The following EXOC7 variants were observed in gnomAD, a reference collection of about 807,000 sequenced individuals.
EXOC7 encodes the protein exocyst complex component 7, also known as exocyst complex component Exo70.
Under a neutral mutation model 87.6 loss-of-function variants are expected in EXOC7, and 51 were observed. The ratio of observed to expected loss-of-function variants is 0.58; its 90% CI spans 0.46 to 0.73. The LOEUF is 0.73. Among genes scored for constraint, EXOC7 ranks in the 30% least tolerant of loss-of-function variants. The probability of loss-of-function intolerance (pLI) is 0.00; values close to 1 mark genes in which losing one functional copy is unlikely to be tolerated. For missense variants in EXOC7, 744 were observed against 888.4 expected (o/e 0.84, Z 2.07); for synonymous variants, 327 against 357.1 (o/e 0.92, Z 0.95).
In EXOC7 at chr17:76,083,118, A is replaced by C. The variant is rs958406797; in HGVS notation, c.*530T>G. 3 of 167,540 alleles carry C rather than the reference A, an allele frequency of 1.8e-5. No individual in the cohort carries two copies. The highest frequency in any genetic ancestry group is 4.8e-5 in the African/African-American group (2 of 41,734). 10.4% of individuals were successfully genotyped at this position (167,540 alleles called of 1,614,324 possible). On this transcript the variant is annotated 3_prime_UTR_variant, in exon 19 of 19. Coordinates refer to ENST00000589210, the MANE Select transcript of EXOC7 (RefSeq NM_001013839.4). ...GTGAGCCTGCCTCCCCCAGCCACCTAGGGGACTCCTGGGAGGGAAAGGTCC... is the reference window on the plus strand; with the variant it reads ...GTGAGCCTGCCTCCCCCAGCCACCTCGGGGACTCCTGGGAGGGAAAGGTCC...
In EXOC7 at chr17:76,087,659, G is replaced by A; in HGVS notation, c.1424C>T (p.Ser475Phe). Residue 475 changes from serine to phenylalanine, a missense_variant, in exon 12 of 19, where the codon TCC (serine) becomes TTC (phenylalanine). Coordinates refer to ENST00000589210, the MANE Select transcript of EXOC7 (RefSeq NM_001013839.4). ...FQETAGAMLA[S>F]QETSSSATSY... Reference sequence around the variant, plus strand: ...CAACTGGGAGGTACCAGTACCTTGGGAGGCCAGCATGGCGCCTGCCGTCTC... The same window carrying A: ...CAACTGGGAGGTACCAGTACCTTGGAAGGCCAGCATGGCGCCTGCCGTCTC... 1 of 1,551,226 alleles carries A rather than the reference G, an allele frequency of 6.4e-7. No individual in the cohort carries two copies. Among genetic ancestry groups the A allele is most frequent in the Non-Finnish European group, 8.7e-7 (1 of 1,146,986 alleles).
intron 4 of EXOC7, 79 bp from the exon 5 acceptor site, chr17:76,098,097 C>T: frequency 7.8e-7 from 1 of 1,288,228 alleles, no homozygotes; most frequent in Non-Finnish European, 1.1e-6. Context: ...CCTGTGCCAG[C>T]TCTGTCTTCT....
chr17:76,083,942 G>C, intron 18 of EXOC7, 64 bp downstream of exon 18: 1 of 1,493,358 alleles, frequency 6.7e-7, no homozygotes, highest in East Asian at 2.4e-5. Flanking sequence ...TTGAGGAAGA[G>C]GAGCTTGAAG....
chr17:76,090,934 G>A lies in EXOC7; in HGVS notation c.901+209C>T. 3 of 604,528 alleles carry A rather than the reference G, an allele frequency of 5.0e-6. No homozygotes were observed. The South Asian group carries it at 5.8e-5, about 12-fold the overall frequency. The allele number at this position is 604,528 out of a possible 1,614,324, so 37.4% of individuals were successfully genotyped here. A position where few individuals can be genotyped will look rare whatever the true frequency, so the allele number is the denominator to read the frequency against. On this transcript the variant is annotated intron_variant, in intron 7 of 18. Transcript: ENST00000589210. ...GAGGAGGGAAGCCTCAGGGAGGGCA[G>A]AGCTGCCATCAGCCAGAGAGGACCA...
At chr17:76,090,493 G>C in intron 7 of EXOC7, 2 of 1,550,734 alleles carry the variant, frequency 1.3e-6, no homozygotes, top group African/African-American at 2.7e-5. Context: ...TTCATCTCCA[G>C]GAGGGGGACG....
chr17:76,082,097 G>T lies in EXOC7; in HGVS notation c.*1551C>A. 6.5e-7 allele frequency: 1 copy of T among 1,540,242 alleles called. No individual in the cohort carries two copies. The highest frequency in any genetic ancestry group is 2.4e-5 in the East Asian group (1 of 41,370). On this transcript the variant is annotated 3_prime_UTR_variant, in exon 19 of 19. Transcript: ENST00000589210. ...GGAATGAGGCCTAGGTGCACACCTA[G>T]GGCTGGGGTGAGGGCACGGAGGTCC...
intron 15 of EXOC7, 54 bp from the exon 16 acceptor site, chr17:76,084,634 T>C (rs749002615): frequency 6.5e-7 from 1 of 1,546,194 alleles, no homozygotes; most frequent in Non-Finnish European, 8.9e-7. Flanking sequence ...CTCAGTGGCC[T>C]GGCTTGTTTC....
chr17:76,087,914 T>C, intron 11 of EXOC7, 146 bp downstream of exon 11: 2 of 992,156 alleles, frequency 2.0e-6, no homozygotes, highest in African/African-American at 1.6e-5. Flanking sequence ...CATGTCACTG[T>C]CCATCCTGCC....
chr17:76,093,971 C>T (rs963484759), intron 6 of EXOC7: 3 of 153,766 alleles, frequency 2.0e-5, no homozygotes, highest in African/African-American at 7.2e-5. Flanking sequence ...GTGAAATTCT[C>T]CCCATCCAGC....
chr17:76,086,878 A>G, intron 12 of EXOC7: 2 of 1,551,388 alleles, frequency 1.3e-6, no homozygotes, highest in Non-Finnish European at 1.7e-6. Flanking sequence ...GGAATATTGT[A>G]TGTGTCCCCA....
rs73996111 is a variant in EXOC7, at chr17:76,083,532, G to A, written c.*116C>T. On this transcript the variant is annotated 3_prime_UTR_variant, in exon 19 of 19. Transcript: ENST00000589210. ...GGGACACAGCTCCCGGAGGCGTGGAGACAGGTCTCTGTCCCAGAGGACTTC... is the reference window on the plus strand; with the variant it reads ...GGGACACAGCTCCCGGAGGCGTGGAAACAGGTCTCTGTCCCAGAGGACTTC... The A allele has an allele frequency of 0.02, 19,772 of 991,850 alleles. 2,406 individuals are homozygous for A. The African/African-American group carries it at 0.27, about 13-fold the overall frequency. 61.4% of individuals were successfully genotyped at this position (991,850 alleles called of 1,614,324 possible). A position where few individuals can be genotyped will look rare whatever the true frequency, so the allele number is the denominator to read the frequency against.
In EXOC7 at chr17:76,083,578, C is replaced by CA; in HGVS notation, c.*69dup. The CA allele has an allele frequency of 6.6e-7, 1 of 1,506,150 alleles. No individual in the cohort carries two copies. Among genetic ancestry groups the CA allele is most frequent in the Non-Finnish European group, 9.2e-7 (1 of 1,083,202 alleles). The allele number at this position is 1,506,150 out of a possible 1,614,324, so 93.3% of individuals were successfully genotyped here. On this transcript the variant is annotated 3_prime_UTR_variant, in exon 19 of 19. Coordinates refer to ENST00000589210, the MANE Select transcript of EXOC7 (RefSeq NM_001013839.4). Reference sequence around the variant, plus strand: ...ACTTCAAGCTCACCCAGCCCAGAGGCAAGCTAACACTGGTTTATCTGTCCA... The same window carrying CA: ...ACTTCAAGCTCACCCAGCCCAGAGGCAAAGCTAACACTGGTTTATCTGTCCA...
At chr17:76,098,478 G>A (rs1361777003) in intron 4 of EXOC7, among the ~76,000 whole-genome samples, 2 of 151,966 alleles carry the variant, frequency 1.3e-5, no homozygotes, top group Non-Finnish European at 2.9e-5. Context: ...GCTGGGAAGC[G>A]GCCTTGGTGA....
rs574754511 is a variant in EXOC7 at position 76,088,870 on chromosome 17, C to G, written c.1101G>C (p.Arg367=). ...LEGENIVSAA[R]KAIVRHDFST... is the part of the protein sequence containing the mutation. ...AGAAGTCGTGTCGCACAATGGCCTTCCGGGCAGCAGACACGATGTTCTCCC... is the reference window on the plus strand; with the variant it reads ...AGAAGTCGTGTCGCACAATGGCCTTGCGGGCAGCAGACACGATGTTCTCCC... Residue 367 remains arginine, a synonymous_variant, in exon 9 of 19, where the codon CGG becomes CGC. Transcript: ENST00000589210. The G allele has an allele frequency of 6.2e-7, 1 of 1,613,828 alleles. No individual in the cohort carries two copies. Among genetic ancestry groups the G allele is most frequent in the South Asian group, 1.1e-5 (1 of 91,084 alleles).
rs757009654 is a variant in EXOC7 at position 76,089,269 on chromosome 17, C to T, written c.953G>A (p.Ser318Asn). 6.2e-7 allele frequency: 1 copy of T among 1,614,140 alleles called. No individual in the cohort carries two copies. Among genetic ancestry groups the T allele is most frequent in the Non-Finnish European group, 8.5e-7 (1 of 1,180,008 alleles). The change falls in exon 8 of 19, where the codon AGT becomes AAT. Residue 318 changes from serine to asparagine, a missense_variant. Coordinates refer to ENST00000589210, the MANE Select transcript of EXOC7 (RefSeq NM_001013839.4). ...GCTCTGCGCCAGCTTGACGAAGGCA[C>T]TGACGCAGTGGATGTAGGCATCGGT... Reference protein sequence around the residue: ...VETDAYIHCVSAFVKLAQSEY... With the variant: ...VETDAYIHCVNAFVKLAQSEY...
chr17:76,091,551 A>T lies in EXOC7; in HGVS notation c.809-316T>A, dbSNP rs2067480480. The T allele has an allele frequency of 4.1e-5, 12 of 294,912 alleles. No homozygotes were observed. The South Asian group carries it at 4.8e-4, about 12-fold the overall frequency. The allele number at this position is 294,912 out of a possible 1,614,324, so 18.3% of individuals were successfully genotyped here. A position where few individuals can be genotyped will look rare whatever the true frequency, so the allele number is the denominator to read the frequency against. On this transcript the variant is annotated intron_variant, in intron 6 of 18. Transcript: ENST00000589210. ...AAAAATATGGAGTGGCATCATAATC[A>T]GAACAGGCGAGGGCTCAGGTCGGAG...
intron 4 of EXOC7, among the ~76,000 whole-genome samples, chr17:76,100,683 A>G (rs1368395935): frequency 6.6e-6 from 1 of 152,128 alleles, no homozygotes; most frequent in Non-Finnish European, 1.5e-5. Flanking sequence ...ATAAAGGAAC[A>G]ACAAATGCAT....
intron 12 of EXOC7, 87 bp downstream of exon 12, chr17:76,087,567 C>A (rs770059108): frequency 4.5e-6 from 6 of 1,333,056 alleles, no homozygotes; most frequent in Non-Finnish European, 6.2e-6. Flanking sequence ...ACTGGAGATA[C>A]CTCCTCACTG....
rs1309226520 is a variant in EXOC7 at position 76,087,724 on chromosome 17, G to A, written c.1363-4C>T. 4 of 1,551,050 alleles carry A rather than the reference G, an allele frequency of 2.6e-6. No homozygotes were observed. Among genetic ancestry groups the A allele is most frequent in the Admixed American group, 2.0e-5 (1 of 51,012 alleles). On this transcript the variant is annotated splice_polypyrimidine_tract_variant and splice_region_variant and intron_variant, in intron 11 of 18. Coordinates refer to ENST00000589210, the MANE Select transcript of EXOC7 (RefSeq NM_001013839.4). ...GCTGCTGCAGGAAGAGGATGGCCTG[G>A]GTGGGAAGAAAACGGTGCAGAAGGG...
Sources: gnomAD v4.1 joint callset for allele counts (sites outside exome capture counted in the v4.1 genomes callset) on GRCh38, gnomAD v4.1.1 for gene constraint, MANE v1.5 for transcripts, NCBI Gene and HGNC (gene_info 2026-07-23, HGNC 2026-07-21) for gene names.